PRPF8: variants seen among roughly 807,000 people sequenced by gnomAD.
PRPF8 encodes pre-mRNA processing factor 8, also known as pre-mRNA-processing-splicing factor 8.
In PRPF8, 64 loss-of-function variants were observed where a neutral mutation model predicts 285.9. The ratio of observed to expected loss-of-function variants is 0.22; its 90% CI spans 0.18 to 0.28. The LOEUF is 0.28. PRPF8 is among the 10% of genes least tolerant of loss of function. The pLI is 1.00. For missense variants in PRPF8, 1,426 were observed against 3,026.7 expected (o/e 0.47, Z 12.41); for synonymous variants, 1,325 against 1,118.2 (o/e 1.18, Z -3.69).
At chr17:1,666,335 G>A (rs867288393) in intron 24 of PRPF8, among the ~76,000 whole-genome samples, 41 of 152,042 alleles carry the variant, frequency 2.7e-4, no homozygotes, top group African/African-American at 9.4e-4. Flanking sequence ...GATTACCTGA[G>A]CTCAGGAATT....
intron 39 of PRPF8, chr17:1,652,272 T>C: frequency 3.5e-6 from 1 of 287,272 alleles, no homozygotes. Context: ...GGAGTCTCAC[T>C]CTGTCAGCAA....
At chr17:1,656,880 T>A (rs1911415722) in intron 34 of PRPF8, 119 bp from the exon 35 acceptor site, 1 of 933,290 alleles carries the variant, frequency 1.1e-6, no homozygotes, top group Non-Finnish European at 1.7e-6. Context: ...TGATGTTAAA[T>A]GTTAGGCACT....
Position 1,656,449 on chromosome 17 carries a change from G to A in PRPF8, c.5736C>T (p.Pro1912=), listed in dbSNP as rs746713240. The change falls in exon 36 of 43, where the codon CCC becomes CCT. Residue 1912 remains proline (P), a synonymous_variant. Transcript: ENST00000304992. ...FGDLILKATE[P]QMVLFNLYDD... is the part of the protein sequence containing the mutation. Reference sequence around the variant, plus strand: ...CATAGAGGTTGAAGAGAACCATCTGGGGCTCAGTGGCTTTAAGGATGAGAT... The same window carrying A: ...CATAGAGGTTGAAGAGAACCATCTGAGGCTCAGTGGCTTTAAGGATGAGAT... 2.5e-5 allele frequency: 41 copies of A among 1,614,034 alleles called. No individual in the cohort carries two copies. Among genetic ancestry groups the A allele is most frequent in the South Asian group, 1.1e-4 (10 of 91,090 alleles).
chr17:1,673,423 C>G lies in PRPF8; in HGVS notation c.3591G>C (p.Leu1197=), dbSNP rs767541476. ...FNMCGFECRI[L]PKCRTSYEEF... is the part of the protein sequence containing the mutation. ...CCTCATAGCTGGTGCGGCACTTAGGCAGGATGCGGCACTCGAAGCCACACA... is the reference window on the plus strand; with the variant it reads ...CCTCATAGCTGGTGCGGCACTTAGGGAGGATGCGGCACTCGAAGCCACACA... Residue 1197 remains leucine, a synonymous_variant, in exon 23 of 43, where the codon CTG becomes CTC. Coordinates refer to ENST00000304992, the MANE Select transcript of PRPF8 (RefSeq NM_006445.4). The surrounding 1 kb of genome is among the most constrained non-coding windows in gnomAD (Gnocchi z 5.5). 1.2e-6 allele frequency: 2 copies of G among 1,614,148 alleles called. No homozygotes were observed. The highest frequency in any genetic ancestry group is 1.7e-6 in the Non-Finnish European group (2 of 1,180,034).
chr17:1,677,077 G>A lies in PRPF8; in HGVS notation c.2080C>T (p.Leu694=), dbSNP rs1912641063. 3 of 1,613,850 alleles carry A rather than the reference G, an allele frequency of 1.9e-6. No individual in the cohort carries two copies. The highest frequency in any genetic ancestry group is 2.7e-5 in the African/African-American group (2 of 74,848). ...ELRAAVMHDI[L]DMMPEGIKQN... is the part of the protein sequence containing the mutation. ...TTGATCCCCTCAGGCATCATGTCCA[G>A]AATATCATGCATCACAGCTGCCCGC... The change falls in exon 15 of 43, where the codon CTG becomes TTG. Residue 694 remains leucine, a synonymous_variant. Transcript: ENST00000304992.
chr17:1,678,395 A>C, intron 13 of PRPF8, 123 bp downstream of exon 13: 7 of 1,264,304 alleles, frequency 5.5e-6, no homozygotes, highest in Non-Finnish European at 5.7e-6. Context: ...AGGCAGGAGA[A>C]TTGCTTGAAC....
intron 11 of PRPF8, 37 bp downstream of exon 11, chr17:1,678,980 T>TG (rs758214929): frequency 6.2e-7 from 1 of 1,613,832 alleles, no homozygotes; most frequent in South Asian, 1.1e-5. Flanking sequence ...TGTCCGTCCT[T>TG]GAAGCCCAGG....
rs58454297 is a variant in PRPF8 at position 1,663,710 on chromosome 17, CAAAAAAAA to C, written c.3775-1565_3775-1558del. On this transcript the variant is annotated intron_variant, in intron 24 of 42. Coordinates refer to ENST00000304992, the MANE Select transcript of PRPF8 (RefSeq NM_006445.4). ...GGCAACCAAGGAAGAGACTCCATCT[CAAAAAAAA>C]AAAAAAAAAAAAAAAAAAAAAGAGC... 9.9e-3 allele frequency among the ~76,000 whole-genome samples: 169 copies of C among 17,084 alleles called. 1 individual carries two copies. The highest frequency in any genetic ancestry group is 0.028 in the African/African-American group (162 of 5,796). The allele number at this position is 17,084 out of a possible 152,430, so 11.2% of individuals were successfully genotyped here. A position where few individuals can be genotyped will look rare whatever the true frequency, so the allele number is the denominator to read the frequency against.
At chr17:1,682,996 C>CTTTTT (rs1555554634) in intron 3 of PRPF8, 28 of 173,700 alleles carry the variant, frequency 1.6e-4, no homozygotes, top group South Asian at 2.9e-4. Context: ...TCTTATTTTT[C>CTTTTT]ATTTTTTTTT....
intron 24 of PRPF8, among the ~76,000 whole-genome samples, chr17:1,664,816 T>C (rs116565175): frequency 1.6e-3 from 248 of 152,042 alleles, no homozygotes; most frequent in African/African-American, 5.7e-3. Context: ...TAAGGGAAAT[T>C]AGAATATACT....
rs538689803 is a variant in PRPF8 at position 1,681,059 on chromosome 17, G to A, written c.867-5C>T. 9 of 1,613,076 alleles carry A rather than the reference G, an allele frequency of 5.6e-6. No homozygotes were observed. The East Asian group carries it at 1.8e-4, about 32-fold the overall frequency. On this transcript the variant is annotated splice_region_variant and splice_polypyrimidine_tract_variant and intron_variant, in intron 6 of 42. Transcript: ENST00000304992. ...AATTCATTCCAGTCTTCATCCCTAG[G>A]GTACAACATCAAGAATAAGCAGACT...
In PRPF8 at chr17:1,651,390, T is replaced by G; in HGVS notation, c.6650+24A>C. On this transcript the variant is annotated intron_variant, in intron 41 of 42. Transcript: ENST00000304992. The surrounding 1 kb of genome is among the most constrained non-coding windows in gnomAD (Gnocchi z 5.1). ...CCTGCAATCCCTGCCCCACCATACTTCCTCCCAAGGAGCCCAGGCCCACCT... is the reference window on the plus strand; with the variant it reads ...CCTGCAATCCCTGCCCCACCATACTGCCTCCCAAGGAGCCCAGGCCCACCT... 2.5e-6 allele frequency: 4 copies of G among 1,613,850 alleles called. No individual in the cohort carries two copies. The highest frequency in any genetic ancestry group is 3.4e-6 in the Non-Finnish European group (4 of 1,179,960).
chr17:1,682,617 A>G (rs895462486), intron 3 of PRPF8, among the ~76,000 whole-genome samples: 1 of 152,174 alleles, frequency 6.6e-6, no homozygotes, highest in African/African-American at 2.4e-5. Flanking sequence ...AGTATTCACC[A>G]TACTTCACTA....
At chr17:1,665,025 T>C (rs1567681914) in intron 24 of PRPF8, among the ~76,000 whole-genome samples, 1 of 151,700 alleles carries the variant, frequency 6.6e-6, no homozygotes, top group Non-Finnish European at 1.5e-5. Context: ...CTGGGTGTGG[T>C]GGCGGGCACC....
chr17:1,662,296 A>T, intron 24 of PRPF8, 143 bp from the exon 25 acceptor site: 1 of 1,012,882 alleles, frequency 9.9e-7, no homozygotes, highest in Non-Finnish European at 1.5e-6. Flanking sequence ...ATAGAAAGCA[A>T]AACACAATGA....
At chr17:1,670,580 G>A (rs754863107) in intron 24 of PRPF8, among the ~76,000 whole-genome samples, 9 of 151,976 alleles carry the variant, frequency 5.9e-5, no homozygotes, top group Admixed American at 1.3e-4. Context: ...TCCGCCTCCC[G>A]GGTTCCAGCG....
chr17:1,680,290 G>A (rs1912837285), intron 8 of PRPF8, among the ~76,000 whole-genome samples: 1 of 152,218 alleles, frequency 6.6e-6, no homozygotes. Flanking sequence ...GAGAAATGGC[G>A]AGTAACTGCT....
At position 1,659,159 on chromosome 17, in the gene PRPF8, G is replaced by T; in HGVS notation, c.5138+198C>A. On this transcript the variant is annotated intron_variant, in intron 32 of 42. Transcript: ENST00000304992. The surrounding 1 kb of genome is among the most constrained non-coding windows in gnomAD (Gnocchi z 5.1). ...TCCCACCTCAACCTTCTGAGTAGCT[G>T]GGACTACAGGCGTGGACCACCACGC... 1 of 687,156 alleles carries T rather than the reference G, an allele frequency of 1.5e-6. No individual in the cohort carries two copies. The highest frequency in any genetic ancestry group is 1.6e-5 in the South Asian group (1 of 61,734). The allele number at this position is 687,156 out of a possible 1,614,324, so 42.6% of individuals were successfully genotyped here. A position where few individuals can be genotyped will look rare whatever the true frequency, so the allele number is the denominator to read the frequency against.
Position 1,665,778 on chromosome 17 carries a change from G to A in PRPF8, c.3775-3625C>T, listed in dbSNP as rs368055579. ...GGAGAATCGCTTGAACTCAGAGGGC[G>A]GAGGTTGCAGTGAGCTGAGATCGCG... On this transcript the variant is annotated intron_variant, in intron 24 of 42. Coordinates refer to ENST00000304992, the MANE Select transcript of PRPF8 (RefSeq NM_006445.4). 2.9e-3 allele frequency among the ~76,000 whole-genome samples: 432 copies of A among 151,256 alleles called. 5 individuals are homozygous for A. The highest frequency in any genetic ancestry group is 0.01 in the African/African-American group (413 of 41,152).
Sources: gnomAD v4.1 joint callset for allele counts (sites outside exome capture counted in the v4.1 genomes callset) on GRCh38, gnomAD v4.1.1 for gene constraint, Gnocchi (gnomAD v3.1) non-coding constraint, MANE v1.5 for transcripts, NCBI Gene and HGNC (gene_info 2026-07-23, HGNC 2026-07-21) for gene names.